The following CYBB variants were observed in gnomAD, a reference collection of about 807,000 sequenced individuals.
CYBB encodes the protein NADPH oxidase 2.
Under a neutral mutation model 46.5 loss-of-function variants are expected in CYBB, and 5 were observed. The observed-to-expected ratio is 0.11, with a 90% CI of 0.06 to 0.23. The LOEUF (loss-of-function observed/expected upper bound fraction) is 0.23, where lower values mean the gene tolerates loss of function less well. Ranked by LOEUF, CYBB falls within the 10% of genes least tolerant of loss-of-function variation. The pLI, the probability that CYBB is intolerant of heterozygous loss-of-function variation, is 1.00. For synonymous variants in CYBB, 183 were observed against 156.7 expected, an observed-to-expected ratio of 1.17 and a Z score of -1.26; for missense variants, 307 against 428.3, an observed-to-expected ratio of 0.72 and a Z score of 2.50.
chrX:37,804,790 G>A (rs1238527424), intron 9 of CYBB, among the ~76,000 whole-genome samples: 1 of 111,006 alleles, frequency 9.0e-6, no homozygotes, highest in Non-Finnish European at 1.9e-5. Flanking sequence ...GTTACCGAAT[G>A]TTTTTGGTTA....
At chrX:37,809,262 C>T (rs937873530) in intron 11 of CYBB, among the ~76,000 whole-genome samples, 1 of 112,139 alleles carries the variant, frequency 8.9e-6, no homozygotes. Flanking sequence ...TCAAATACTG[C>T]GGCCCTAACC....
chrX:37,781,823 G>A (rs1928957616), intron 1 of CYBB, among the ~76,000 whole-genome samples: 1 of 111,646 alleles, frequency 9.0e-6, no homozygotes, highest in African/African-American at 3.3e-5. Context: ...AAGGGAGTGG[G>A]GTAATGTAAG....
chrX:37,785,432 A>T (rs1929044167), intron 3 of CYBB, among the ~76,000 whole-genome samples: 1 of 112,889 alleles, frequency 8.9e-6, no homozygotes, highest in African/African-American at 3.2e-5. Context: ...CAAATTTAAG[A>T]AATCACAGAG....
At chrX:37,803,298 T>C (rs782128993) in intron 8 of CYBB, among the ~76,000 whole-genome samples, 56 of 109,638 alleles carry the variant, frequency 5.1e-4, no homozygotes, top group African/African-American at 1.7e-3. Flanking sequence ...ACTGCAATAA[T>C]TTTTGCACCA....
Position 37,795,693 on chromosome X carries a change from C to T in CYBB, c.484-258C>T, listed in dbSNP as rs35851882. ...CCCCTTAGAAATAACTATTTAAGTA[C>T]ATCAGTTCACATTTCCTATGACATC... On this transcript the variant is annotated intron_variant, in intron 5 of 12. Transcript: ENST00000378588. 0.039 allele frequency among the ~76,000 whole-genome samples: 4,403 copies of T among 112,129 alleles called. 216 individuals are homozygous for T. The highest frequency in any genetic ancestry group is 0.13 in the African/African-American group (4,114 of 30,776).
intron 1 of CYBB, among the ~76,000 whole-genome samples, chrX:37,780,993 A>G (rs1556464370): frequency 8.9e-6 from 1 of 112,132 alleles, no homozygotes; most frequent in African/African-American, 3.2e-5. Flanking sequence ...AGCTTTTGTA[A>G]AAATTTATCA....
rs1193468290 is a variant in CYBB, at chrX:37,802,329, C to G, written c.897+981C>G. Reference sequence around the variant, plus strand: ...CAAAAACAGTTGCTGCAAAATTTCCCTTACTAGACTAGAGATGACTGAGTC... The same window carrying G: ...CAAAAACAGTTGCTGCAAAATTTCCGTTACTAGACTAGAGATGACTGAGTC... On this transcript the variant is annotated intron_variant, in intron 8 of 12. Coordinates refer to ENST00000378588, the MANE Select transcript of CYBB (RefSeq NM_000397.4). 4.5e-5 allele frequency among the ~76,000 whole-genome samples: 5 copies of G among 111,733 alleles called. No homozygotes were observed. The East Asian group carries it at 1.4e-3, about 31-fold the overall frequency.
chrX:37,798,537 T>C (rs1929363289), intron 6 of CYBB, among the ~76,000 whole-genome samples: 1 of 112,175 alleles, frequency 8.9e-6, no homozygotes, highest in South Asian at 3.6e-4. Context: ...ACTTTGATGA[T>C]TGAGCCCTTT....
chrX:37,783,354 G>A (rs573471469), intron 2 of CYBB, 136 bp from the exon 3 acceptor site: 124 of 498,025 alleles, frequency 2.5e-4, no homozygotes, highest in South Asian at 2.4e-3. Flanking sequence ...AAAACCGTTG[G>A]CTCTGAAGGA....
chrX:37,809,209 G>C (rs1556472532), intron 11 of CYBB, among the ~76,000 whole-genome samples: 1 of 111,973 alleles, frequency 8.9e-6, no homozygotes, highest in East Asian at 2.8e-4. Context: ...ACATAGAGCA[G>C]AGAGAAAAAC....
At chrX:37,781,318 A>G (rs1268178226) in intron 1 of CYBB, among the ~76,000 whole-genome samples, 1 of 112,796 alleles carries the variant, frequency 8.9e-6, no homozygotes, top group Non-Finnish European at 1.9e-5. Context: ...GAGTAAAGAA[A>G]GAATGACAAG....
At chrX:37,801,865 T>C (rs1439786652) in intron 8 of CYBB, among the ~76,000 whole-genome samples, 1 of 110,708 alleles carries the variant, frequency 9.0e-6, no homozygotes, top group Non-Finnish European at 1.9e-5. Context: ...AATAGGAAAG[T>C]TGAAGTGCCC....
chrX:37,799,803 A>G (rs5963309), intron 7 of CYBB, among the ~76,000 whole-genome samples: 18,403 of 111,475 alleles, frequency 0.17, 1,074 homozygotes, highest in South Asian at 0.19. Context: ...GGCAGATGGT[A>G]TACTTTGTTG....
intron 3 of CYBB, among the ~76,000 whole-genome samples, chrX:37,790,557 T>C (rs1929176962): frequency 9.0e-6 from 1 of 111,664 alleles, no homozygotes; most frequent in Non-Finnish European, 1.9e-5. Context: ...ATAATTTTTT[T>C]ATTTTTCCTT....
At chrX:37,804,559 G>A (rs1372399314) in intron 9 of CYBB, among the ~76,000 whole-genome samples, 8 of 111,232 alleles carry the variant, frequency 7.2e-5, no homozygotes, top group East Asian at 2.8e-4. Flanking sequence ...GCTAAAGAAA[G>A]GTTTGAGAGT....
At chrX:37,793,617 T>C (rs1284865717) in intron 4 of CYBB, 48 bp from the exon 5 acceptor site, 1 of 1,184,851 alleles carries the variant, frequency 8.4e-7, no homozygotes, top group African/African-American at 1.8e-5. Context: ...TACAATAAAT[T>C]TGTTCATACC....
chrX:37,792,505 CATT>C, intron 4 of CYBB, among the ~76,000 whole-genome samples: 1 of 110,893 alleles, frequency 9.0e-6, no homozygotes, highest in Admixed American at 9.6e-5. Context: ...TAAATACCTT[CATT>C]ATTATTATTA....
At chrX:37,792,353 A>G (rs1556467210) in intron 4 of CYBB, among the ~76,000 whole-genome samples, 1 of 111,267 alleles carries the variant, frequency 9.0e-6, no homozygotes, top group Non-Finnish European at 1.9e-5. Flanking sequence ...TTCTAGTGTC[A>G]AAAATGTTAA....
chrX:37,792,004 G>A lies in CYBB; in HGVS notation c.282G>A (p.Leu94=). ...GCTCAACAAGAGTTCGAAGACAACT[G>A]GACAGGAATCTCACCTTTCATAAAA... ...ACCSTRVRRQ[L]DRNLTFHKMV... Residue 94 remains leucine, a synonymous_variant, in exon 4 of 13, where the codon CTG becomes CTA. Coordinates refer to ENST00000378588, the MANE Select transcript of CYBB (RefSeq NM_000397.4). 8.3e-7 allele frequency: 1 copy of A among 1,207,686 alleles called. No homozygotes were observed. The highest frequency in any genetic ancestry group is 1.1e-6 in the Non-Finnish European group (1 of 892,120).
Sources: gnomAD v4.1 joint callset for allele counts (sites outside exome capture counted in the v4.1 genomes callset) on GRCh38, gnomAD v4.1.1 for gene constraint, MANE v1.5 for transcripts, NCBI Gene and HGNC (gene_info 2026-07-23, HGNC 2026-07-21) for gene names.